Variants in LNX2 observed in about 807,000 individuals in gnomAD.
LNX2 encodes the protein ligand of numb-protein X 2.
LNX2 carries 35 observed loss-of-function variants against 66.2 expected under a neutral mutation model. The ratio of observed to expected loss-of-function variants is 0.53; its 90% CI spans 0.40 to 0.70. The LOEUF (loss-of-function observed/expected upper bound fraction) is 0.70, where lower values mean the gene tolerates loss of function less well. LNX2 is among the 30% of genes least tolerant of loss of function. LNX2 has a pLI of 0.00. For synonymous variants in LNX2, 337 were observed against 315.6 expected (o/e 1.07, Z -0.72); for missense variants, 791 against 850.8 (o/e 0.93, Z 0.87).
chr13:27,548,980 T>G (rs1213698062), intron 9 of LNX2, among the ~76,000 whole-genome samples: 5 of 152,208 alleles, frequency 3.3e-5, no homozygotes, highest in African/African-American at 1.2e-4. Context: ...ATTACCATAA[T>G]TATCCTTATG....
intron 1 of LNX2, among the ~76,000 whole-genome samples, chr13:27,590,369 C>T (rs1394580434): frequency 6.6e-6 from 1 of 152,110 alleles, no homozygotes; most frequent in Non-Finnish European, 1.5e-5. Context: ...CAGGCACATG[C>T]CACCATGCGT....
chr13:27,582,221 CAG>C (rs777333956), intron 1 of LNX2, among the ~76,000 whole-genome samples: 4 of 151,904 alleles, frequency 2.6e-5, no homozygotes, highest in Admixed American at 6.6e-5. Context: ...TTTGTAGAGA[CAG>C]GGTTTCCATG....
intron 8 of LNX2, among the ~76,000 whole-genome samples, chr13:27,552,851 A>G (rs1441344218): frequency 6.6e-6 from 1 of 152,226 alleles, no homozygotes; most frequent in African/African-American, 2.4e-5. Flanking sequence ...GATGGGGGGA[A>G]GCCCCAAGAT....
intron 1 of LNX2, among the ~76,000 whole-genome samples, chr13:27,611,072 G>C (rs1164713726): frequency 6.6e-6 from 1 of 152,172 alleles, no homozygotes; most frequent in Non-Finnish European, 1.5e-5. Context: ...CAAAAAGTTC[G>C]ACTACCATAT....
In LNX2 at chr13:27,581,723, C is replaced by A; in HGVS notation, c.-20G>T. ...TCCCATTTTGAATCAATTCTGTATC[C>A]TCATGTGTTAGACTTCCACTTCACG... is the stretch of plus-strand genomic sequence containing the variant. On this transcript the variant is annotated 5_prime_UTR_variant, in exon 2 of 10. It adds an upstream start codon to the 5' untranslated region. Transcript: ENST00000316334. 1 of 1,565,848 alleles carries A rather than the reference C, an allele frequency of 6.4e-7. No individual in the cohort carries two copies.
At position 27,567,817 on chromosome 13, in the gene LNX2, T is replaced by C. The variant is rs1216730539; in HGVS notation, c.678A>G (p.Leu226=). ...CAATCGTGGTGATTTCTCCTTCTGGTAAACTAAGTGGCTGTTGTGTGGCTG... is the reference window on the plus strand; with the variant it reads ...CAATCGTGGTGATTTCTCCTTCTGGCAAACTAAGTGGCTGTTGTGTGGCTG... The part of the protein sequence containing the change: ...GADTTQQPLS[L]PEGEITTIEI... The change falls in exon 4 of 10, where the codon TTA becomes TTG. Residue 226 remains leucine (L), a synonymous_variant. Coordinates refer to ENST00000316334, the MANE Select transcript of LNX2 (RefSeq NM_153371.4). 6.2e-7 allele frequency: 1 copy of C among 1,614,018 alleles called. No homozygotes were observed. Among genetic ancestry groups the C allele is most frequent in the Admixed American group, 1.7e-5 (1 of 59,982 alleles).
chr13:27,570,462 G>A (rs1169795445), intron 2 of LNX2, among the ~76,000 whole-genome samples: 3 of 152,066 alleles, frequency 2.0e-5, no homozygotes, highest in Middle Eastern at 3.2e-3. Flanking sequence ...TTCTTGAAAG[G>A]GATTCACTAT....
chr13:27,576,817 A>T (rs1451968157), intron 2 of LNX2, among the ~76,000 whole-genome samples: 1 of 152,170 alleles, frequency 6.6e-6, no homozygotes, highest in Non-Finnish European at 1.5e-5. Context: ...TTCCAAATGG[A>T]TCAAAAACTG....
chr13:27,590,226 T>C (rs2138423459), intron 1 of LNX2, among the ~76,000 whole-genome samples: 1 of 152,094 alleles, frequency 6.6e-6, no homozygotes, highest in South Asian at 2.1e-4. Flanking sequence ...TGGTTTTTTA[T>C]TTTTATTTTT....
At position 27,567,197 on chromosome 13, in the gene LNX2, T is replaced by A. The variant is rs563252883; in HGVS notation, c.855+443A>T. Among the ~76,000 whole-genome samples the A allele has an allele frequency of 3.9e-5, 6 of 152,280 alleles. No individual in the cohort carries two copies. In the South Asian group the frequency reaches 1.2e-3, roughly 32 times the overall value. ...GTATAAATTATGAGTGCTGCATGGT[T>A]CCTTCTTTTCTAGATTTTAGTAGTC... On this transcript the variant is annotated intron_variant, in intron 4 of 9. Transcript: ENST00000316334.
At chr13:27,575,775 T>C (rs149152969) in intron 2 of LNX2, among the ~76,000 whole-genome samples, 308 of 152,306 alleles carry the variant, frequency 2.0e-3, no homozygotes, top group African/African-American at 7.0e-3. Flanking sequence ...ATGAAGCTGG[T>C]ATTCATTTAA....
intron 1 of LNX2, among the ~76,000 whole-genome samples, chr13:27,616,674 C>T (rs1182608082): frequency 1.3e-5 from 2 of 152,222 alleles, no homozygotes; most frequent in African/African-American, 4.8e-5. Context: ...AAGGATAGAA[C>T]CTACAACACC....
At chr13:27,553,848 T>A (rs1268775785) in intron 7 of LNX2, among the ~76,000 whole-genome samples, 1 of 152,210 alleles carries the variant, frequency 6.6e-6, no homozygotes, top group Non-Finnish European at 1.5e-5. Context: ...TAATGTATTC[T>A]GCTTTATATT....
At chr13:27,566,495 A>G (rs992668032) in intron 4 of LNX2, among the ~76,000 whole-genome samples, 6 of 152,150 alleles carry the variant, frequency 3.9e-5, no homozygotes, top group African/African-American at 1.4e-4. Context: ...TGTAGAAGAG[A>G]CCGTGGAGGA....
Position 27,569,221 on chromosome 13 carries a change from T to A in LNX2, c.463A>T (p.Thr155Ser). 6.2e-7 allele frequency: 1 copy of A among 1,613,364 alleles called. No individual in the cohort carries two copies. The highest frequency in any genetic ancestry group is 8.5e-7 in the Non-Finnish European group (1 of 1,179,646). Residue 155 changes from threonine to serine, a missense_variant, in exon 3 of 10, where the codon ACT (threonine) becomes TCT (serine). Transcript: ENST00000316334. ...VALERRKTSR[T>S]QAEIENENGP... The stretch of plus-strand genomic sequence containing the variant: ...TTTTCATTCTCAATCTCTGCTTGAG[T>A]TCTACTAGTTTTCCTTCTCTCCAGG...
At chr13:27,609,464 T>C (rs1379962999) in intron 1 of LNX2, among the ~76,000 whole-genome samples, 2 of 152,226 alleles carry the variant, frequency 1.3e-5, no homozygotes, top group Non-Finnish European at 2.9e-5. Context: ...CCCAGAGTGA[T>C]TCTTTTTGAA....
intron 1 of LNX2, among the ~76,000 whole-genome samples, chr13:27,593,893 G>A (rs1013817507): frequency 2.0e-5 from 3 of 151,654 alleles, no homozygotes; most frequent in African/African-American, 7.3e-5. Flanking sequence ...ACCACGCCCA[G>A]TCTGCTGGCT....
intron 1 of LNX2, among the ~76,000 whole-genome samples, chr13:27,592,274 A>G (rs1043677024): frequency 2.6e-5 from 4 of 152,194 alleles, no homozygotes; most frequent in African/African-American, 4.8e-5. Flanking sequence ...ATAGAGAGAA[A>G]TTACTCAATT....
rs573260319 is a variant in LNX2 at position 27,599,921 on chromosome 13, TGCTGTTTCCA to T, written c.-100-18128_-100-18119del. Among the ~76,000 whole-genome samples the T allele has an allele frequency of 1.4e-4, 22 of 152,318 alleles. No homozygotes were observed. The South Asian group carries it at 4.1e-3, about 29-fold the overall frequency. On this transcript the variant is annotated intron_variant, in intron 1 of 9. Transcript: ENST00000316334. ...ACGCCAATCCTGAAAATCTTTTGGT[TGCTGTTTCCA>T]TGGAAACAGCCTAGATGAAGAAAAC... is the stretch of plus-strand genomic sequence containing the variant.
Sources: allele counts gnomAD v4.1 joint callset (sites outside exome capture counted in the v4.1 genomes callset), GRCh38; gene constraint gnomAD v4.1.1; transcripts MANE v1.5; gene names NCBI Gene and HGNC (gene_info 2026-07-23, HGNC 2026-07-21).